Variants in ARHGAP39 observed in about 807,000 individuals in gnomAD.
ARHGAP39 encodes rho GTPase-activating protein 39.
Under a neutral mutation model 106.9 loss-of-function variants are expected in ARHGAP39, and 44 were observed. That is an observed-to-expected ratio of 0.41 (90% CI 0.32 to 0.53). The LOEUF (loss-of-function observed/expected upper bound fraction) is 0.53. Among genes scored for constraint, ARHGAP39 ranks in the 20% least tolerant of loss-of-function variants. The pLI, the probability that ARHGAP39 is intolerant of heterozygous loss-of-function variation, is 0.21. For missense variants in ARHGAP39, 1,496 were observed against 1,577.3 expected (o/e 0.95, Z 0.87); for synonymous variants, 768 against 693.2 (o/e 1.11, Z -1.69).
rs61734939 is a variant in ARHGAP39 at position 144,548,405 on chromosome 8, G to C, written c.681C>G (p.Ala227=). The C allele has an allele frequency of 1.9e-3, 3,088 of 1,610,816 alleles. 57 individuals are homozygous for C. In the African/African-American group the frequency reaches 0.037, roughly 19 times the overall value. The change falls in exon 5 of 12, where the codon GCC becomes GCG. Residue 227 remains alanine (A), a synonymous_variant. Transcript: ENST00000377307. The surrounding 1 kb of genome is among the most constrained non-coding windows in gnomAD (Gnocchi z 7.4). ...CGTCTGGGGCGTAGCCATTGCCCTGGGCGGCGAGGAAGCTGGGCTCCCGAT... is the reference window on the plus strand; with the variant it reads ...CGTCTGGGGCGTAGCCATTGCCCTGCGCGGCGAGGAAGCTGGGCTCCCGAT... ...VADREPSFLA[A]QGNGYAPDGP... is the part of the protein sequence containing the mutation.
At chr8:144,676,981 G>A (rs1201933465) in intron 1 of ARHGAP39, among the ~76,000 whole-genome samples, 3 of 152,248 alleles carry the variant, frequency 2.0e-5, no homozygotes, top group Non-Finnish European at 2.9e-5. Flanking sequence ...TGTTGGTCAG[G>A]ATGGTCTTGA....
At chr8:144,620,596 CGTGT>C (rs745766215) in intron 1 of ARHGAP39, among the ~76,000 whole-genome samples, 2 of 152,216 alleles carry the variant, frequency 1.3e-5, no homozygotes, top group Non-Finnish European at 2.9e-5. Context: ...TGCCCACGTG[CGTGT>C]GAGTACGTGT....
At chr8:144,562,474 G>C (rs374989537) in intron 3 of ARHGAP39, among the ~76,000 whole-genome samples, 6 of 137,672 alleles carry the variant, frequency 4.4e-5, no homozygotes, top group African/African-American at 6.5e-5. Context: ...GCACTCCAGT[G>C]GTTTCCATCG....
In ARHGAP39 at chr8:144,530,543, T is replaced by C. The variant is rs1428768225; in HGVS notation, c.3224A>G (p.Asn1075Ser). The C allele has an allele frequency of 1.2e-6, 2 of 1,611,558 alleles. No individual in the cohort carries two copies. The highest frequency in any genetic ancestry group is 1.3e-5 in the African/African-American group (1 of 74,842). Reference sequence around the variant, plus strand: ...GTCGTCGGACTGGCAGCGCAAGCAGTTGGGCGCCATCACCATGGCCAGGTT... The same window carrying C: ...GTCGTCGGACTGGCAGCGCAAGCAGCTGGGCGCCATCACCATGGCCAGGTT... ...VSNLAMVMAPNCLRCQSDDPR... is the reference protein window; with the variant it reads ...VSNLAMVMAPSCLRCQSDDPR... Residue 1075 changes from asparagine (N) to serine (S), a missense_variant, in exon 12 of 12, where the codon AAC (asparagine) becomes AGC (serine). This residue lies in a region of ARHGAP39 where 470 missense variants were observed against 605.1 expected (regional missense o/e 0.78). Transcript: ENST00000377307.
In ARHGAP39 at chr8:144,562,111, C is replaced by T. The variant is rs377323013; in HGVS notation, c.513-6468G>A. Among the ~76,000 whole-genome samples the T allele has an allele frequency of 7.1e-4, 94 of 132,992 alleles. 2 individuals carry two copies. The highest frequency in any genetic ancestry group is 2.9e-3 in the African/African-American group (75 of 25,848). 87.2% of individuals were successfully genotyped at this position (132,992 alleles called of 152,430 possible). On this transcript the variant is annotated intron_variant, in intron 3 of 11. Transcript: ENST00000377307. Reference sequence around the variant, plus strand: ...TCGGACTTACTCCAGTGGTTTCCATCGGACTTACTCCAGTGGTTTCCATCG... The same window carrying T: ...TCGGACTTACTCCAGTGGTTTCCATTGGACTTACTCCAGTGGTTTCCATCG...
chr8:144,696,642 A>C, the ARHGAP39 span, among the ~76,000 whole-genome samples: 1 of 152,194 alleles, frequency 6.6e-6, no homozygotes, highest in Non-Finnish European at 1.5e-5. Context: ...TGAGTTTTAA[A>C]AAAATTTTAT....
chr8:144,665,264 G>C (rs980436842), intron 1 of ARHGAP39, among the ~76,000 whole-genome samples: 3 of 152,178 alleles, frequency 2.0e-5, no homozygotes, highest in African/African-American at 7.2e-5. Context: ...AGGTGACTTG[G>C]GTGCTGTTAA....
At chr8:144,582,700 C>T (rs112781350) in intron 2 of ARHGAP39, among the ~76,000 whole-genome samples, 26 of 152,202 alleles carry the variant, frequency 1.7e-4, no homozygotes, top group African/African-American at 4.3e-4. Context: ...GAGGATGAGG[C>T]GGGTGGGACT....
chr8:144,670,590 C>T lies in ARHGAP39; in HGVS notation c.-82+15096G>A, dbSNP rs79042484. Among the ~76,000 whole-genome samples, 2,475 of 152,220 alleles carry T rather than the reference C, an allele frequency of 0.016. 207 individuals are homozygous for T. The East Asian group carries it at 0.24, about 15-fold the overall frequency. On this transcript the variant is annotated intron_variant, in intron 1 of 11. Coordinates refer to ENST00000377307, the MANE Select transcript of ARHGAP39 (RefSeq NM_025251.3). The surrounding 1 kb of genome is among the most constrained non-coding windows in gnomAD (Gnocchi z 4.4). ...TGGCTGCCTCACTTGTCCTGCCTCC[C>T]GCCCTGCTCCAGGCTCCCTGGGCTC...
At chr8:144,589,456 C>T (rs1236203135) in intron 2 of ARHGAP39, among the ~76,000 whole-genome samples, 1 of 152,164 alleles carries the variant, frequency 6.6e-6, no homozygotes, top group Non-Finnish European at 1.5e-5. Flanking sequence ...GGACGAACTC[C>T]TCTGACACTA....
At position 144,621,032 on chromosome 8, in the gene ARHGAP39, G is replaced by C. The variant is rs373474512; in HGVS notation, c.-81-15337C>G. Reference sequence around the variant, plus strand: ...TGCAGGAGGCACATGGTTGGAGGGGGCCAGACTCACCACCCAGAGCCCCAG... The same window carrying C: ...TGCAGGAGGCACATGGTTGGAGGGGCCCAGACTCACCACCCAGAGCCCCAG... On this transcript the variant is annotated intron_variant, in intron 1 of 11. Coordinates refer to ENST00000377307, the MANE Select transcript of ARHGAP39 (RefSeq NM_025251.3). Among the ~76,000 whole-genome samples, 72 of 152,400 alleles carry C rather than the reference G, an allele frequency of 4.7e-4. 1 individual carries two copies. In the East Asian group the frequency reaches 9.8e-3, roughly 21 times the overall value.
At chr8:144,695,764 A>C in the ARHGAP39 span, among the ~76,000 whole-genome samples, 9 of 152,334 alleles carry the variant, frequency 5.9e-5, no homozygotes, top group African/African-American at 2.2e-4. Flanking sequence ...TTCTAGGTGC[A>C]GGGGCTTAAA....
At chr8:144,566,594 G>T (rs979939186) in intron 3 of ARHGAP39, among the ~76,000 whole-genome samples, 5 of 152,190 alleles carry the variant, frequency 3.3e-5, no homozygotes, top group Admixed American at 6.5e-5. Flanking sequence ...GGTAGCTCAT[G>T]CCTGTAATCC....
intron 3 of ARHGAP39, among the ~76,000 whole-genome samples, chr8:144,561,667 C>T (rs1323504039): frequency 6.6e-6 from 1 of 151,776 alleles, no homozygotes; most frequent in Non-Finnish European, 1.5e-5. Flanking sequence ...TTCCATCGCG[C>T]TCCAGTGGTT....
chr8:144,687,835 T>C (rs1337447134), upstream of ARHGAP39, among the ~76,000 whole-genome samples: 1 of 128,372 alleles, frequency 7.8e-6, no homozygotes, highest in Non-Finnish European at 1.6e-5. Flanking sequence ...CCCACCCCCG[T>C]GACCACACAC....
chr8:144,637,333 T>C (rs1821196442), intron 1 of ARHGAP39, among the ~76,000 whole-genome samples: 1 of 152,220 alleles, frequency 6.6e-6, no homozygotes, highest in African/African-American at 2.4e-5. Context: ...ATTTCATTGC[T>C]GGGCGCAGTG....
chr8:144,545,915 G>C (rs954894501), intron 5 of ARHGAP39, 105 bp from the exon 6 acceptor site: 1 of 1,015,446 alleles, frequency 9.8e-7, no homozygotes, highest in Non-Finnish European at 1.4e-6. Flanking sequence ...CCCCACCAGA[G>C]CCAGCCAGGT....
chr8:144,659,674 G>A (rs1011420409), intron 1 of ARHGAP39, among the ~76,000 whole-genome samples: 7 of 152,070 alleles, frequency 4.6e-5, no homozygotes, highest in South Asian at 2.1e-4. Flanking sequence ...AAAATCTTCC[G>A]GCCTTGGCTT....
intron 1 of ARHGAP39, among the ~76,000 whole-genome samples, chr8:144,627,879 C>T (rs1446378910): frequency 6.6e-6 from 1 of 152,228 alleles, no homozygotes; most frequent in Non-Finnish European, 1.5e-5. Context: ...CAGTGCTCTG[C>T]CAGGCACTCC....
Sources: gnomAD v4.1 joint callset for allele counts (sites outside exome capture counted in the v4.1 genomes callset) on GRCh38, gnomAD v4.1.1 for gene constraint, gnomAD v4.1.1 regional missense constraint, Gnocchi (gnomAD v3.1) non-coding constraint, MANE v1.5 for transcripts, NCBI Gene and HGNC (gene_info 2026-07-23, HGNC 2026-07-21) for gene names.